TTC21A: variants seen among roughly 807,000 people sequenced by gnomAD.
TTC21A encodes tetratricopeptide repeat domain 21A, also known as tetratricopeptide repeat protein 21A.
A neutral mutation model predicts 156.4 loss-of-function variants in TTC21A; 128 were observed. The ratio of observed to expected loss-of-function variants is 0.82; its 90% CI spans 0.71 to 0.95. The LOEUF is 0.95. Ranked by LOEUF, TTC21A falls within the 40% of genes least tolerant of loss-of-function variation. The pLI, the probability that TTC21A is intolerant of heterozygous loss-of-function variation, is 0.00. For missense variants in TTC21A, 1,435 were observed against 1,602.3 expected (o/e 0.90, Z 1.78); for synonymous variants, 587 against 617.1 (o/e 0.95, Z 0.72).
chr3:39,127,651 C>T (rs1049917242), intron 12 of TTC21A, among the ~76,000 whole-genome samples: 5 of 152,180 alleles, frequency 3.3e-5, no homozygotes, highest in African/African-American at 1.2e-4. Context: ...GAGAGTGCCC[C>T]TACCAACTCA....
chr3:39,115,661 T>A (rs1427258042), intron 6 of TTC21A, among the ~76,000 whole-genome samples: 1 of 152,142 alleles, frequency 6.6e-6, no homozygotes, highest in Non-Finnish European at 1.5e-5. Flanking sequence ...AATGAGACCC[T>A]GTCTCGAAAA....
Position 39,133,159 on chromosome 3 carries a change from G to C in TTC21A, c.2670G>C (p.Glu890Asp). The stretch of plus-strand genomic sequence containing the variant: ...CCTCTATCTGCATCCAATTTGCAGA[G>C]CACTACCTGGCAGAGAAAGAGTATG... ...LAASICIQFA[E>D]HYLAEKEYDK... Residue 890 changes from glutamate to aspartate, a missense_variant, in exon 20 of 29, where the codon GAG becomes GAC. Glu to Asp is a conservative substitution (Grantham distance 45). Coordinates refer to ENST00000683103, the MANE Select transcript of TTC21A (RefSeq NM_001366900.1). 1 of 1,614,232 alleles carries C rather than the reference G, an allele frequency of 6.2e-7. No homozygotes were observed.
chr3:39,121,328 ATCT>A (rs2037753427), intron 9 of TTC21A, 139 bp downstream of exon 9: 18 of 698,968 alleles, frequency 2.6e-5, no homozygotes, highest in African/African-American at 5.4e-5. Flanking sequence ...ATGATGGGGT[ATCT>A]TTCTGGGAAT....
Position 39,111,000 on chromosome 3 carries a change from T to C in TTC21A, c.418T>C (p.Ser140Pro), listed in dbSNP as rs755576636. 30 of 1,610,948 alleles carry C rather than the reference T, an allele frequency of 1.9e-5. No individual in the cohort carries two copies. Among genetic ancestry groups the C allele is most frequent in the Non-Finnish European group, 2.5e-5 (29 of 1,178,346 alleles). Residue 140 changes from serine (S) to proline (P), a missense_variant, in exon 4 of 29, where the codon TCT becomes CCT. By Grantham distance (74) the Ser-to-Pro change is moderately conservative. Coordinates refer to ENST00000683103, the MANE Select transcript of TTC21A (RefSeq NM_001366900.1). Reference protein sequence around the residue: ...KEYIDRMLKISRGFREAYVLR... With the variant: ...KEYIDRMLKIPRGFREAYVLR... ...GTACATTGACCGCATGCTGAAGATT[T>C]CTAGAGGCTTCAGAGAGGTACTTAC...
chr3:39,127,212 CTCACCCAATCCTGCCTGCCTGG>C (rs1260693942), intron 12 of TTC21A, among the ~76,000 whole-genome samples: 1 of 152,206 alleles, frequency 6.6e-6, no homozygotes, highest in Non-Finnish European at 1.5e-5. Context: ...CCTGTGGCCT[CTCACCCAATCCTGCCTGCCTGG>C]AAACCAGGCT....
intron 1 of TTC21A, chr3:39,108,313 A>C: frequency 5.9e-6 from 1 of 170,352 alleles, no homozygotes; most frequent in South Asian, 1.5e-4. Context: ...CTAGCCCAGA[A>C]CCAGCACCAT....
intron 9 of TTC21A, among the ~76,000 whole-genome samples, chr3:39,121,959 C>CA (rs377050375): frequency 5.3e-5 from 8 of 152,332 alleles, no homozygotes; most frequent in African/African-American, 1.9e-4. Flanking sequence ...CTGACCCCCT[C>CA]AAATCCATGC....
chr3:39,126,467 T>A, intron 12 of TTC21A, 77 bp downstream of exon 12: 1 of 1,239,660 alleles, frequency 8.1e-7, no homozygotes, highest in Non-Finnish European at 1.1e-6. Flanking sequence ...GCTCCTTGCC[T>A]AGGATACTAC....
intron 9 of TTC21A, among the ~76,000 whole-genome samples, chr3:39,121,713 C>T (rs1023662580): frequency 5.3e-5 from 8 of 152,296 alleles, no homozygotes; most frequent in Middle Eastern, 3.4e-3. Context: ...TTCCATTTTA[C>T]GCATTTTTTA....
chr3:39,115,243 G>A (rs1168509078), intron 6 of TTC21A, among the ~76,000 whole-genome samples: 1 of 152,116 alleles, frequency 6.6e-6, no homozygotes, highest in Non-Finnish European at 1.5e-5. Context: ...AGGAGTTATT[G>A]GGCATGTAGA....
Position 39,109,074 on chromosome 3 carries a change from C to T in TTC21A, c.28-11C>T, listed in dbSNP as rs1445599541. 1 of 1,612,666 alleles carries T rather than the reference C, an allele frequency of 6.2e-7. No individual in the cohort carries two copies. The highest frequency in any genetic ancestry group is 1.3e-5 in the African/African-American group (1 of 75,036). On this transcript the variant is annotated splice_polypyrimidine_tract_variant and intron_variant, in intron 1 of 28. Transcript: ENST00000683103. ...GACTGGGCTATTGCAGTTATGTCTTCCTTCATACAGGCTGGGATCATTTAC... is the reference window on the plus strand; with the variant it reads ...GACTGGGCTATTGCAGTTATGTCTTTCTTCATACAGGCTGGGATCATTTAC...
chr3:39,112,659 C>A (rs1248016446), intron 5 of TTC21A, 79 bp downstream of exon 5: 2 of 1,568,958 alleles, frequency 1.3e-6, no homozygotes, highest in African/African-American at 1.3e-5. Context: ...TACCCCCAGG[C>A]CAAACCCTCG....
Position 39,130,652 on chromosome 3 carries a change from C to T in TTC21A, c.2320-49C>T. On this transcript the variant is annotated intron_variant, in intron 17 of 28. Coordinates refer to ENST00000683103, the MANE Select transcript of TTC21A (RefSeq NM_001366900.1). The surrounding 1 kb of genome is among the most constrained non-coding windows in gnomAD (Gnocchi z 4.5). ...GCTGAGGGGAACATGGTGTCGGGCA[C>T]TGAAGGGCAGAACCAGGCCAGAGGC... The T allele has an allele frequency of 1.0e-5, 16 of 1,605,698 alleles. No homozygotes were observed. The highest frequency in any genetic ancestry group is 1.4e-5 in the Non-Finnish European group (16 of 1,174,460).
rs751687242 is a variant in TTC21A, at chr3:39,137,353, C to T, written c.3416C>T (p.Ala1139Val). 22 of 1,613,274 alleles carry T rather than the reference C, an allele frequency of 1.4e-5. No homozygotes were observed. In the African/African-American group the frequency reaches 1.6e-4, roughly 12 times the overall value. ...ATREKANMEA[A>V]LGSFIQIAQA... ...AGGGAGAAGGCTAACATGGAGGCTG[C>T]GCTGGGCAGCTTCATCCAGATAGCG... The change falls in exon 25 of 29, where the codon GCG (alanine) becomes GTG (valine). Residue 1139 changes from alanine to valine, a missense_variant. Ala to Val is a moderately conservative substitution (Grantham distance 64, BLOSUM62 0). Coordinates refer to ENST00000683103, the MANE Select transcript of TTC21A (RefSeq NM_001366900.1).
chr3:39,109,998 G>C (rs948522478), intron 2 of TTC21A, 31 bp from the exon 3 acceptor site: 6 of 1,527,412 alleles, frequency 3.9e-6, no homozygotes, highest in Admixed American at 1.7e-5. Flanking sequence ...CCTGGAGCTT[G>C]AGAGTATAAC....
At chr3:39,110,201 G>T in intron 3 of TTC21A, 62 bp downstream of exon 3, 1 of 1,288,006 alleles carries the variant, frequency 7.8e-7, no homozygotes, top group East Asian at 2.3e-5. Context: ...CTGCCCCAGA[G>T]ATAACACAGC....
rs192769455 is a variant in TTC21A, at chr3:39,130,895, A to G, written c.2458+56A>G. The stretch of plus-strand genomic sequence containing the variant: ...TTTGGAGCAGACATACTCCTCCCCC[A>G]TTCCCCATTAGCTGAAGTCCTGATC... On this transcript the variant is annotated intron_variant, in intron 18 of 28. Coordinates refer to ENST00000683103, the MANE Select transcript of TTC21A (RefSeq NM_001366900.1). This position sits in a 1 kb window ranked among gnomAD's most constrained non-coding sequence, Gnocchi z 4.5. The G allele has an allele frequency of 1.2e-4, 198 of 1,610,554 alleles. No homozygotes were observed. In the African/African-American group the frequency reaches 2.2e-3, roughly 18 times the overall value.
chr3:39,108,428 C>CG (rs2036457491), intron 1 of TTC21A: 2 of 155,726 alleles, frequency 1.3e-5, no homozygotes, highest in African/African-American at 4.8e-5. Flanking sequence ...ACACACCCCC[C>CG]ACATGCAAAA....
intron 9 of TTC21A, among the ~76,000 whole-genome samples, chr3:39,123,854 CA>C: frequency 6.6e-6 from 1 of 151,760 alleles, no homozygotes; most frequent in Non-Finnish European, 1.5e-5. Flanking sequence ...TCACCCCCCC[CA>C]AAAAAACCAG....
Sources: allele counts gnomAD v4.1 joint callset (sites outside exome capture counted in the v4.1 genomes callset), GRCh38; gene constraint gnomAD v4.1.1; non-coding constraint Gnocchi (gnomAD v3.1); transcripts MANE v1.5; gene names NCBI Gene and HGNC (gene_info 2026-07-23, HGNC 2026-07-21).